Variants in RBFOX1 observed in about 807,000 individuals in gnomAD.
RBFOX1 encodes the protein RNA binding protein fox-1 homolog 1.
RBFOX1 carries 8 observed loss-of-function variants against 57.7 expected under a neutral mutation model. The ratio of observed to expected loss-of-function variants is 0.14; its 90% CI spans 0.08 to 0.25. The LOEUF (loss-of-function observed/expected upper bound fraction) is 0.25. RBFOX1 is among the 10% of genes least tolerant of loss of function. The pLI, the probability that RBFOX1 is intolerant of heterozygous loss-of-function variation, is 1.00. For synonymous variants in RBFOX1, 326 were observed against 222.4 expected (o/e 1.47, Z -4.15); for missense variants, 611 against 548.5 (o/e 1.11, Z -1.14).
Position 6,972,038 on chromosome 16 carries a change from G to C in RBFOX1, c.-15-80019G>C, listed in dbSNP as rs574483847. Among the ~76,000 whole-genome samples the C allele has an allele frequency of 4.6e-5, 7 of 152,274 alleles. No homozygotes were observed. The East Asian group carries it at 5.8e-4, about 13-fold the overall frequency. On this transcript the variant is annotated intron_variant, in intron 3 of 15. Coordinates refer to ENST00000550418, the MANE Select transcript of RBFOX1 (RefSeq NM_018723.4). ...TATAGAAAGAAGAGGGGAACAGAGAGGGTCAAAGACTTTTGTTTCCTTAAC... is the reference window on the plus strand; with the variant it reads ...TATAGAAAGAAGAGGGGAACAGAGACGGTCAAAGACTTTTGTTTCCTTAAC...
chr16:7,407,641 C>T (rs921431271), intron 4 of RBFOX1, among the ~76,000 whole-genome samples: 2 of 152,060 alleles, frequency 1.3e-5, no homozygotes, highest in Non-Finnish European at 2.9e-5. Context: ...ATTATAGCAA[C>T]CAAAATATGG....
chr16:6,591,002 T>A (rs941084198), intron 2 of RBFOX1, among the ~76,000 whole-genome samples: 2 of 152,180 alleles, frequency 1.3e-5, no homozygotes, highest in Non-Finnish European at 2.9e-5. Context: ...ACATAACCTC[T>A]CTGAACTTGG....
At chr16:6,565,126 C>CAAAA (rs34624731) in intron 2 of RBFOX1, among the ~76,000 whole-genome samples, 1 of 98,244 alleles carries the variant, frequency 1.0e-5, no homozygotes, top group African/African-American at 3.9e-5. Context: ...ACTCTGTCTC[C>CAAAA]AAAAAAAAAA....
chr16:5,598,726 G>T (rs911353800), intron 2 of RBFOX1, among the ~76,000 whole-genome samples: 1 of 152,204 alleles, frequency 6.6e-6, no homozygotes, highest in African/African-American at 2.4e-5. Flanking sequence ...TGTGGCCATT[G>T]CGCAGGGCAA....
At chr16:7,637,554 A>C (rs2061976673) in intron 11 of RBFOX1, among the ~76,000 whole-genome samples, 1 of 152,244 alleles carries the variant, frequency 6.6e-6, no homozygotes. Context: ...CTGTAATTAA[A>C]GTAAGGACCT....
chr16:6,337,391 A>T (rs970210565), intron 2 of RBFOX1, among the ~76,000 whole-genome samples: 1 of 152,204 alleles, frequency 6.6e-6, no homozygotes, highest in Non-Finnish European at 1.5e-5. Flanking sequence ...TGAAAAGCCA[A>T]AGTTGTTCCA....
At chr16:7,202,330 C>G (rs556870488) in intron 4 of RBFOX1, among the ~76,000 whole-genome samples, 2 of 148,720 alleles carry the variant, frequency 1.3e-5, no homozygotes, top group Non-Finnish European at 3.0e-5. Flanking sequence ...ACAGAAAACA[C>G]GTGTTGATAA....
intron 4 of RBFOX1, among the ~76,000 whole-genome samples, chr16:7,179,684 C>T (rs2082321253): frequency 6.6e-6 from 1 of 151,862 alleles, no homozygotes; most frequent in Non-Finnish European, 1.5e-5. Context: ...ATGCATTGTC[C>T]TTCATTTGTA....
intron 4 of RBFOX1, among the ~76,000 whole-genome samples, chr16:7,279,574 C>G (rs2095502975): frequency 6.6e-6 from 1 of 152,122 alleles, no homozygotes; most frequent in South Asian, 2.1e-4. Flanking sequence ...TATATTATAG[C>G]CAGGGCCACG....
intron 3 of RBFOX1, among the ~76,000 whole-genome samples, chr16:7,035,507 T>C (rs2044145994): frequency 6.6e-6 from 1 of 152,236 alleles, no homozygotes; most frequent in Non-Finnish European, 1.5e-5. Flanking sequence ...ATTTGCAGAA[T>C]TTAATTGCAA....
chr16:5,610,156 C>G (rs2047724031), intron 3 of RBFOX1: 2 of 152,274 alleles, frequency 1.3e-5, no homozygotes, highest in South Asian at 2.1e-4. Context: ...TGCCAGCAGT[C>G]TGTCCCGTTA....
At chr16:5,556,176 T>A (rs554587966) in intron 2 of RBFOX1, among the ~76,000 whole-genome samples, 23 of 152,346 alleles carry the variant, frequency 1.5e-4, no homozygotes, top group Non-Finnish European at 1.5e-5. Flanking sequence ...CACATTTCCC[T>A]CTTGCGGTTA....
At chr16:5,548,077 C>A (rs12443760) in intron 2 of RBFOX1, among the ~76,000 whole-genome samples, 1 of 149,986 alleles carries the variant, frequency 6.7e-6, no homozygotes, top group East Asian at 2.0e-4. Flanking sequence ...AGGAGAATCC[C>A]TTGAACCAGT....
chr16:7,574,820 G>A (rs1036874023), intron 5 of RBFOX1, among the ~76,000 whole-genome samples: 4 of 152,142 alleles, frequency 2.6e-5, no homozygotes, highest in African/African-American at 9.7e-5. Flanking sequence ...ATTGACAGAT[G>A]ACAGCCTGAC....
chr16:7,001,636 T>C (rs995125904), intron 3 of RBFOX1, among the ~76,000 whole-genome samples: 4 of 152,034 alleles, frequency 2.6e-5, no homozygotes, highest in East Asian at 1.9e-4. Context: ...TTTGTATTTT[T>C]AGTAGAGACA....
intron 3 of RBFOX1, among the ~76,000 whole-genome samples, chr16:7,010,252 G>T (rs566814670): frequency 6.6e-6 from 1 of 152,304 alleles, no homozygotes; most frequent in East Asian, 1.9e-4. Context: ...AGAGCTAAAT[G>T]GCAAATTCTC....
chr16:5,797,898 G>A (rs1597297309), intron 3 of RBFOX1, among the ~76,000 whole-genome samples: 2 of 152,090 alleles, frequency 1.3e-5, no homozygotes, highest in African/African-American at 2.4e-5. Context: ...AAGGATGTCC[G>A]CACTCCATCT....
chr16:5,343,190 TAG>T (rs1463564763), intron 1 of RBFOX1, among the ~76,000 whole-genome samples: 2 of 152,096 alleles, frequency 1.3e-5, no homozygotes, highest in Non-Finnish European at 2.9e-5. Context: ...GAGACAAAGA[TAG>T]AGTGTTTGGT....
intron 4 of RBFOX1, among the ~76,000 whole-genome samples, chr16:7,135,127 T>C (rs374380199): frequency 2.0e-5 from 3 of 152,188 alleles, no homozygotes; most frequent in Admixed American, 2.0e-4. Context: ...CTGTTCTGTA[T>C]GTTAGAAAAG....
Sources: allele counts gnomAD v4.1 joint callset (sites outside exome capture counted in the v4.1 genomes callset), GRCh38; gene constraint gnomAD v4.1.1; transcripts MANE v1.5; gene names NCBI Gene and HGNC (gene_info 2026-07-23, HGNC 2026-07-21).